Variants in OSBPL9 observed in about 807,000 individuals in gnomAD.
OSBPL9 encodes the protein oxysterol binding protein like 9.
A neutral mutation model predicts 106.6 loss-of-function variants in OSBPL9; 40 were observed. The ratio of observed to expected loss-of-function variants is 0.38; its 90% CI spans 0.29 to 0.49. OSBPL9 has a LOEUF of 0.49. Ranked by LOEUF, OSBPL9 falls within the 20% of genes least tolerant of loss-of-function variation. The pLI is 0.97. For synonymous variants in OSBPL9, 269 were observed against 295.4 expected (o/e 0.91, Z 0.92); for missense variants, 609 against 887.2 (o/e 0.69, Z 3.98).
intron 3 of OSBPL9, among the ~76,000 whole-genome samples, chr1:51,678,289 T>C (rs1173996055): frequency 3.3e-5 from 5 of 152,206 alleles, no homozygotes; most frequent in African/African-American, 1.2e-4. Flanking sequence ...TTTTTAAGCA[T>C]TAAAAAATGT....
chr1:51,518,857 G>C, the OSBPL9 span, among the ~76,000 whole-genome samples: 1 of 151,796 alleles, frequency 6.6e-6, no homozygotes, highest in Non-Finnish European at 1.5e-5. Flanking sequence ...GAAACTTCCT[G>C]GGTAGGTGAA....
At chr1:51,696,344 CT>C (rs1270960834) in intron 3 of OSBPL9, among the ~76,000 whole-genome samples, 12 of 152,164 alleles carry the variant, frequency 7.9e-5, no homozygotes, top group Non-Finnish European at 1.8e-4. Flanking sequence ...CACAAAATCC[CT>C]TGCCAACAAA....
the OSBPL9 span, among the ~76,000 whole-genome samples, chr1:51,524,255 G>T: frequency 6.6e-6 from 1 of 152,190 alleles, no homozygotes; most frequent in Non-Finnish European, 1.5e-5. Context: ...CCATACACAC[G>T]CAGGGTGTGA....
chr1:51,750,924 T>A (rs1669093942), intron 8 of OSBPL9, among the ~76,000 whole-genome samples: 2 of 152,266 alleles, frequency 1.3e-5, no homozygotes, highest in Admixed American at 6.5e-5. Flanking sequence ...TCATCTCTTT[T>A]ACTTCTTCAG....
rs1213503610 is a variant in OSBPL9 at position 51,716,371 on chromosome 1, C to T, written c.318+2292C>T. Among the ~76,000 whole-genome samples the T allele has an allele frequency of 2.0e-5, 3 of 152,230 alleles. No homozygotes were observed. The East Asian group carries it at 5.8e-4, about 29-fold the overall frequency. On this transcript the variant is annotated intron_variant, in intron 4 of 23. Transcript: ENST00000428468. Reference sequence around the variant, plus strand: ...CATTTAACCATTAACATTCAACTTACTGTCTCTGAGTTTCAGTGGCCTCAT... The same window carrying T: ...CATTTAACCATTAACATTCAACTTATTGTCTCTGAGTTTCAGTGGCCTCAT...
chr1:51,645,570 C>G lies in OSBPL9; in HGVS notation c.112-6421C>G, dbSNP rs180690825. Among the ~76,000 whole-genome samples, 490 of 152,062 alleles carry G rather than the reference C, an allele frequency of 3.2e-3. 10 individuals are homozygous for G. Among genetic ancestry groups the G allele is most frequent in the Admixed American group, 0.026 (399 of 15,284 alleles). On this transcript the variant is annotated intron_variant, in intron 1 of 23. Coordinates refer to ENST00000428468, the MANE Select transcript of OSBPL9 (RefSeq NM_024586.6). ...TATAGCTCATCATAACCTCAAACTC[C>G]TGGGCTCAAGGGATCCTCCTGCCTT...
Position 51,611,712 on chromosome 1 carries a change from C to T in OSBPL9, c.-352-2593C>T, listed in dbSNP as rs985097997. 7.9e-5 allele frequency among the ~76,000 whole-genome samples: 12 copies of T among 152,212 alleles called. 1 individual carries two copies. Among genetic ancestry groups the T allele is most frequent in the Admixed American group, 5.9e-4 (9 of 15,272 alleles). The stretch of plus-strand genomic sequence containing the variant: ...ACAGGCCAGGCACAGTGGCTCACAC[C>T]TGTAATCCCACACTCTGGAAGGTCA... On this transcript the variant is annotated intron_variant, in intron 2 of 25. Coordinates refer to the OSBPL9 transcript ENST00000371714.
At chr1:51,725,207 G>C (rs937457371) in intron 4 of OSBPL9, among the ~76,000 whole-genome samples, 2 of 151,188 alleles carry the variant, frequency 1.3e-5, no homozygotes, top group African/African-American at 4.9e-5. Context: ...GCTTTGTCTA[G>C]TTTACTAATA....
At chr1:51,586,657 G>A (rs146747812) in intron 1 of OSBPL9, among the ~76,000 whole-genome samples, 373 of 152,302 alleles carry the variant, frequency 2.4e-3, no homozygotes, top group African/African-American at 8.5e-3. Context: ...GGCTTAGAAA[G>A]GCTATACTCA....
chr1:51,651,905 C>G, intron 1 of OSBPL9, 86 bp from the exon 2 acceptor site: 1 of 1,067,116 alleles, frequency 9.4e-7, no homozygotes, highest in South Asian at 1.4e-5. Flanking sequence ...TACTGTAAAT[C>G]TTGTCCTTTT....
Position 51,606,774 on chromosome 1 carries a change from C to T in OSBPL9, c.-352-7531C>T, listed in dbSNP as rs1168668000. Among the ~76,000 whole-genome samples the T allele has an allele frequency of 2.6e-5, 4 of 152,226 alleles. No individual in the cohort carries two copies. The South Asian group carries it at 6.2e-4, about 24-fold the overall frequency. On this transcript the variant is annotated intron_variant, in intron 2 of 25. Coordinates refer to the OSBPL9 transcript ENST00000371714. ...TAGAAAATTTGGAAAACATGCCGGG[C>T]GCGGTGGCTCACGCCTGTAATCTCA...
In OSBPL9 at chr1:51,670,705, C is replaced by T. The variant is rs188193317; in HGVS notation, c.241+1193C>T. 4.3e-4 allele frequency among the ~76,000 whole-genome samples: 66 copies of T among 152,284 alleles called. 1 individual carries two copies. Among genetic ancestry groups the T allele is most frequent in the Non-Finnish European group, 8.2e-4 (56 of 68,020 alleles). Reference sequence around the variant, plus strand: ...AATTTATTCAGAGCTGCTTTAATAACGATGCTGTCCTGAAATTTTCTACTA... The same window carrying T: ...AATTTATTCAGAGCTGCTTTAATAATGATGCTGTCCTGAAATTTTCTACTA... On this transcript the variant is annotated intron_variant, in intron 3 of 23. Transcript: ENST00000428468.
chr1:51,764,170 A>G (rs1672097484), intron 11 of OSBPL9, among the ~76,000 whole-genome samples: 1 of 152,232 alleles, frequency 6.6e-6, no homozygotes, highest in Non-Finnish European at 1.5e-5. Flanking sequence ...GGAATAAGAT[A>G]AAATGTTTGC....
intron 1 of OSBPL9, among the ~76,000 whole-genome samples, chr1:51,635,425 T>C (rs565862918): frequency 6.6e-6 from 1 of 152,290 alleles, no homozygotes; most frequent in South Asian, 2.1e-4. Flanking sequence ...GTAGATTACC[T>C]CTGCAGATAC....
intron 1 of OSBPL9, among the ~76,000 whole-genome samples, chr1:51,644,122 T>C (rs1408736129): frequency 6.8e-6 from 1 of 147,598 alleles, no homozygotes; most frequent in African/African-American, 2.5e-5. Context: ...TGATACAATA[T>C]TGGGATGTAT....
At chr1:51,651,612 C>CA (rs1363475271) in intron 1 of OSBPL9, among the ~76,000 whole-genome samples, 3 of 149,466 alleles carry the variant, frequency 2.0e-5, no homozygotes, top group Admixed American at 6.6e-5. Context: ...CAAAACAAAA[C>CA]AAAAAAAAAT....
At chr1:51,620,208 T>C (rs1304840307) in intron 1 of OSBPL9, among the ~76,000 whole-genome samples, 1 of 152,208 alleles carries the variant, frequency 6.6e-6, no homozygotes, top group African/African-American at 2.4e-5. Context: ...CAATTGTTTA[T>C]GTGGCTTATG....
intron 1 of OSBPL9, among the ~76,000 whole-genome samples, chr1:51,632,674 C>T (rs974794074): frequency 8.3e-6 from 1 of 120,888 alleles, no homozygotes; most frequent in African/African-American, 3.2e-5. Context: ...GGAGAAGTGG[C>T]GGGGACCAGA....
intron 1 of OSBPL9, among the ~76,000 whole-genome samples, chr1:51,593,486 C>A (rs1645286349): frequency 6.6e-6 from 1 of 152,158 alleles, no homozygotes; most frequent in African/African-American, 2.4e-5. Flanking sequence ...CCCCTTCACA[C>A]TTTCCTGTTC....
Sources: allele counts gnomAD v4.1 joint callset (sites outside exome capture counted in the v4.1 genomes callset), GRCh38; gene constraint gnomAD v4.1.1; transcripts MANE v1.5; gene names NCBI Gene and HGNC (gene_info 2026-07-23, HGNC 2026-07-21).